The following KIN variants were observed in gnomAD, a reference collection of about 807,000 sequenced individuals.
KIN encodes Kin17 DNA and RNA binding protein, also known as DNA/RNA-binding protein KIN17.
In KIN, 47 loss-of-function variants were observed where a neutral mutation model predicts 63.0. The observed-to-expected ratio is 0.75, with a 90% CI of 0.59 to 0.95. The LOEUF is 0.95. Ranked by LOEUF, KIN falls within the 40% of genes least tolerant of loss-of-function variation. KIN has a pLI of 0.00. For missense variants in KIN, 408 were observed against 460.9 expected (o/e 0.89, Z 1.05); for synonymous variants, 160 against 157.7 (o/e 1.01, Z -0.11).
intron 8 of KIN, chr10:7,766,356 A>C (rs1588474731): frequency 7.9e-6 from 3 of 377,584 alleles, no homozygotes; most frequent in East Asian, 5.4e-5. Flanking sequence ...AACAGACACA[A>C]CTCCTATTCA....
intron 7 of KIN, among the ~76,000 whole-genome samples, chr10:7,772,074 T>C (rs1835677917): frequency 6.6e-6 from 1 of 152,022 alleles, no homozygotes; most frequent in African/African-American, 2.4e-5. Flanking sequence ...GGCGAGACCC[T>C]AGGCTCATTT....
At chr10:7,779,546 T>C (rs772787813) in intron 4 of KIN, among the ~76,000 whole-genome samples, 3 of 152,168 alleles carry the variant, frequency 2.0e-5, no homozygotes, top group Non-Finnish European at 2.9e-5. Context: ...GGGTGAGAAA[T>C]ATTCAAAAAA....
chr10:7,756,114 C>G lies in KIN; in HGVS notation c.1148G>C (p.Gly383Ala), dbSNP rs778997425. 9.4e-6 allele frequency: 15 copies of G among 1,589,028 alleles called. No individual in the cohort carries two copies. In the East Asian group the frequency reaches 3.4e-4, roughly 36 times the overall value. Reference sequence around the variant, plus strand: ...TTTAGAAATGTCTTCATATTGAATTCCTTCAACTCTGCGTCCTTTTAAAGG... The same window carrying G: ...TTTAGAAATGTCTTCATATTGAATTGCTTCAACTCTGCGTCCTTTTAAAGG... ...TGPLKGRRVE[G>A]IQYEDISKLA Residue 383 changes from glycine (G) to alanine (A), a missense_variant, in exon 13 of 13, where the codon GGA (glycine) becomes GCA (alanine). Around this residue, in one of 2 missense-constraint regions of KIN, gnomAD observed 298 missense variants for 296.0 expected, o/e 1.01. Coordinates refer to ENST00000379562, the MANE Select transcript of KIN (RefSeq NM_012311.4).
chr10:7,784,049 TA>T (rs769434821), intron 1 of KIN, among the ~76,000 whole-genome samples: 9 of 152,196 alleles, frequency 5.9e-5, no homozygotes, highest in Non-Finnish European at 1.2e-4. Flanking sequence ...AGTTATTATT[TA>T]AATTTATTTT....
chr10:7,758,759 T>TA (rs1554768170), intron 12 of KIN, among the ~76,000 whole-genome samples: 1 of 152,090 alleles, frequency 6.6e-6, no homozygotes, highest in Non-Finnish European at 1.5e-5. Flanking sequence ...CTTATGCTGA[T>TA]AGAGTCAGAG....
At chr10:7,766,720 G>T (rs1835550952) in intron 8 of KIN, among the ~76,000 whole-genome samples, 1 of 152,066 alleles carries the variant, frequency 6.6e-6, no homozygotes. Flanking sequence ...TAATCCCTTG[G>T]TTGATTCGAA....
At chr10:7,767,580 G>A (rs953741782) in intron 8 of KIN, among the ~76,000 whole-genome samples, 2 of 152,134 alleles carry the variant, frequency 1.3e-5, no homozygotes, top group Non-Finnish European at 2.9e-5. Context: ...CAGCCAGCCG[G>A]GTGCGGTGGC....
At chr10:7,768,187 T>C (rs1367810064) in intron 8 of KIN, among the ~76,000 whole-genome samples, 1 of 152,192 alleles carries the variant, frequency 6.6e-6, no homozygotes, top group African/African-American at 2.4e-5. Flanking sequence ...CAATGATTTT[T>C]CACATAGACT....
intron 4 of KIN, 130 bp from the exon 5 acceptor site, chr10:7,779,149 T>G (rs916218006): frequency 1.9e-6 from 2 of 1,050,168 alleles, no homozygotes; most frequent in Non-Finnish European, 2.7e-6. Context: ...GGCTTACACC[T>G]GTAATCTCAG....
intron 7 of KIN, among the ~76,000 whole-genome samples, chr10:7,773,022 T>C (rs965905974): frequency 2.6e-5 from 4 of 152,160 alleles, no homozygotes; most frequent in Admixed American, 6.5e-5. Flanking sequence ...GGAGGGAGAT[T>C]TGACACCTGG....
intron 12 of KIN, among the ~76,000 whole-genome samples, chr10:7,756,700 T>C (rs888175617): frequency 6.6e-6 from 1 of 152,210 alleles, no homozygotes; most frequent in African/African-American, 2.4e-5. Flanking sequence ...AACGTTAACT[T>C]CTACCATGTT....
At chr10:7,759,301 CTG>C (rs1268926059) in intron 12 of KIN, among the ~76,000 whole-genome samples, 1 of 152,120 alleles carries the variant, frequency 6.6e-6, no homozygotes, top group African/African-American at 2.4e-5. Context: ...ACTCACAGAC[CTG>C]TGAGTGAAAT....
In KIN at chr10:7,780,129, G is replaced by A; in HGVS notation, c.303C>T (p.His101=). Residue 101 remains histidine (H), a synonymous_variant, in exon 4 of 13, where the codon CAC becomes CAT. Coordinates refer to ENST00000379562, the MANE Select transcript of KIN (RefSeq NM_012311.4). The part of the protein sequence containing the change: ...NNIVYNEYIS[H]REHIHMNATQ... ...TGGCATTCATGTGGATGTGCTCTCG[G>A]TGGCTGATGTATTCGTTGTAGACAA... 1.9e-6 allele frequency: 3 copies of A among 1,613,956 alleles called. No homozygotes were observed. Among genetic ancestry groups the A allele is most frequent in the Non-Finnish European group, 2.5e-6 (3 of 1,179,946 alleles).
At chr10:7,773,615 C>T (rs1238450930) in intron 7 of KIN, among the ~76,000 whole-genome samples, 1 of 152,152 alleles carries the variant, frequency 6.6e-6, no homozygotes, top group African/African-American at 2.4e-5. Context: ...TCTGGCAAAT[C>T]ATTTTAAAGT....
intron 2 of KIN, among the ~76,000 whole-genome samples, chr10:7,782,438 G>A (rs1349478208): frequency 3.4e-5 from 5 of 146,816 alleles, no homozygotes; most frequent in African/African-American, 7.5e-5. Context: ...TTGCTCTGTC[G>A]CCCAGGCTAG....
rs1475317463 is a variant in KIN, at chr10:7,751,299, A to ATTT, written c.*4778_*4780dup. The ATTT allele has an allele frequency of 1.3e-5, 2 of 152,200 alleles. No individual in the cohort carries two copies. The allele number at this position is 152,200 out of a possible 1,614,324, so 9.4% of individuals were successfully genotyped here. ...TCCTTTCCATAATCTGGTAAAAATC[A>ATTT]TTTTTCATTGTAGAGGCAAAACTCT... is the stretch of plus-strand genomic sequence containing the variant. On this transcript the variant is annotated 3_prime_UTR_variant, in exon 13 of 13. Transcript: ENST00000379562.
At chr10:7,786,733 C>G (rs1032442885) in intron 1 of KIN, among the ~76,000 whole-genome samples, 11 of 152,202 alleles carry the variant, frequency 7.2e-5, no homozygotes, top group Non-Finnish European at 1.0e-4. Flanking sequence ...TCTTGAACTT[C>G]CCAGCCTCCA....
At chr10:7,775,092 C>T (rs1318841630) in intron 6 of KIN, among the ~76,000 whole-genome samples, 1 of 152,202 alleles carries the variant, frequency 6.6e-6, no homozygotes, top group Non-Finnish European at 1.5e-5. Flanking sequence ...AACTTGCACA[C>T]CGTGTCACCG....
intron 7 of KIN, 91 bp downstream of exon 7, chr10:7,774,739 GA>G (rs1201509589): frequency 4.9e-6 from 5 of 1,019,246 alleles, no homozygotes; most frequent in Non-Finnish European, 5.9e-6. Flanking sequence ...ACTACAACTA[GA>G]AAAAAATGAT....
Sources: gnomAD v4.1 joint callset for allele counts (sites outside exome capture counted in the v4.1 genomes callset) on GRCh38, gnomAD v4.1.1 for gene constraint, gnomAD v4.1.1 regional missense constraint, MANE v1.5 for transcripts, NCBI Gene and HGNC (gene_info 2026-07-23, HGNC 2026-07-21) for gene names.